Variants in CDC42BPA observed in about 807,000 individuals in gnomAD.
CDC42BPA encodes the protein serine/threonine-protein kinase MRCK alpha.
CDC42BPA carries 80 observed loss-of-function variants against 223.5 expected under a neutral mutation model. The ratio of observed to expected loss-of-function variants is 0.36; its 90% CI spans 0.30 to 0.43. CDC42BPA has a LOEUF of 0.43. Ranked by LOEUF, CDC42BPA falls within the 20% of genes least tolerant of loss-of-function variation. CDC42BPA has a pLI of 1.00. For missense variants in CDC42BPA, 1,743 were observed against 2,099.9 expected, an observed-to-expected ratio of 0.83 and a Z score of 3.32; for synonymous variants, 694 against 718.6, an observed-to-expected ratio of 0.97 and a Z score of 0.55.
chr1:227,265,200 TA>T, intron 1 of CDC42BPA: 1 of 620,342 alleles, frequency 1.6e-6, no homozygotes, highest in Non-Finnish European at 3.0e-6. Flanking sequence ...CAAAGCGTGC[TA>T]AAAGTGCACA....
At chr1:227,273,709 G>A (rs1360322734) in intron 1 of CDC42BPA, among the ~76,000 whole-genome samples, 1 of 151,962 alleles carries the variant, frequency 6.6e-6, no homozygotes, top group Non-Finnish European at 1.5e-5. Flanking sequence ...ACTGAGACAG[G>A]TAGCACATGT....
At chr1:227,213,770 T>C (rs141530706) in intron 2 of CDC42BPA, among the ~76,000 whole-genome samples, 157 of 151,994 alleles carry the variant, frequency 1.0e-3, no homozygotes, top group African/African-American at 3.7e-3. Context: ...TACACACATA[T>C]ACATACGCAT....
intron 32 of CDC42BPA, among the ~76,000 whole-genome samples, chr1:227,021,349 G>A (rs1667342076): frequency 6.6e-6 from 1 of 152,124 alleles, no homozygotes; most frequent in South Asian, 2.1e-4. Context: ...ATAAAACTAA[G>A]TATGGGTCTT....
Position 227,006,762 on chromosome 1 carries a change from C to T in CDC42BPA, c.4858-1651G>A, listed in dbSNP as rs569980606. 1.6e-3 allele frequency among the ~76,000 whole-genome samples: 241 copies of T among 152,202 alleles called. 1 individual carries two copies. The highest frequency in any genetic ancestry group is 5.4e-3 in the African/African-American group (225 of 41,518). ...CCAGCCTGGCTAATATGGTGAAACC[C>T]CGTCTCTACTATAAATACAAAAAAA... On this transcript the variant is annotated intron_variant, in intron 34 of 36. Coordinates refer to ENST00000366766, the MANE Select transcript of CDC42BPA (RefSeq NM_001394014.1).
intron 20 of CDC42BPA, 43 bp downstream of exon 20, chr1:227,072,165 C>G (rs1270949806): frequency 9.6e-7 from 1 of 1,040,706 alleles, no homozygotes; most frequent in South Asian, 1.5e-5. Context: ...ATATTTATAA[C>G]ATAACAGTAA....
chr1:227,057,710 T>A (rs928643152), intron 21 of CDC42BPA, among the ~76,000 whole-genome samples: 2 of 152,206 alleles, frequency 1.3e-5, no homozygotes, highest in African/African-American at 4.8e-5. Context: ...AAAATAATCA[T>A]ATGTAATAAT....
At chr1:227,200,438 A>AACAAC (rs1553391989) in intron 3 of CDC42BPA, among the ~76,000 whole-genome samples, 1 of 96,026 alleles carries the variant, frequency 1.0e-5, no homozygotes, top group South Asian at 3.2e-4. Flanking sequence ...CTTAAAAAAC[A>AACAAC]AACAAACAAA....
At chr1:227,194,969 G>C (rs1483129443) in intron 4 of CDC42BPA, among the ~76,000 whole-genome samples, 1 of 79,708 alleles carries the variant, frequency 1.3e-5, no homozygotes, top group Non-Finnish European at 3.0e-5. Flanking sequence ...ACAGAATGAA[G>C]ATATTGTTTC....
chr1:227,237,045 C>CAA (rs11447987), intron 2 of CDC42BPA, among the ~76,000 whole-genome samples: 2,436 of 84,300 alleles, frequency 0.029, 138 homozygotes, highest in African/African-American at 0.055. Context: ...CCGGTCTCCA[C>CAA]AAAAAAAAAA....
At chr1:227,033,793 A>G (rs1348805598) in intron 26 of CDC42BPA, among the ~76,000 whole-genome samples, 1 of 152,138 alleles carries the variant, frequency 6.6e-6, no homozygotes, top group African/African-American at 2.4e-5. Context: ...TTGTTCCTTC[A>G]ACATCTACAA....
chr1:227,198,741 T>C (rs1284183151), intron 4 of CDC42BPA, among the ~76,000 whole-genome samples: 1 of 131,260 alleles, frequency 7.6e-6, no homozygotes, highest in African/African-American at 2.9e-5. Context: ...GTACAGTCCA[T>C]GTAACATATT....
intron 10 of CDC42BPA, among the ~76,000 whole-genome samples, chr1:227,132,904 C>G (rs554297895): frequency 1.3e-5 from 2 of 151,686 alleles, no homozygotes; most frequent in East Asian, 2.0e-4. Flanking sequence ...GCAACCGCCC[C>G]GACTGAGAGG....
chr1:227,155,760 C>T (rs1383498502), intron 6 of CDC42BPA, among the ~76,000 whole-genome samples: 1 of 152,130 alleles, frequency 6.6e-6, no homozygotes, highest in African/African-American at 2.4e-5. Context: ...TTTAAAAAAA[C>T]TATGACACGA....
intron 5 of CDC42BPA, among the ~76,000 whole-genome samples, chr1:227,193,297 T>C (rs1160424065): frequency 6.6e-6 from 1 of 152,034 alleles, no homozygotes; most frequent in African/African-American, 2.4e-5. Context: ...CCTGACCTCG[T>C]AATCTGCCCG....
At chr1:227,011,723 T>C (rs1296199373) in intron 34 of CDC42BPA, among the ~76,000 whole-genome samples, 2 of 152,178 alleles carry the variant, frequency 1.3e-5, no homozygotes, top group African/African-American at 2.4e-5. Context: ...TAATGTAATA[T>C]CAAAGATATA....
intron 1 of CDC42BPA, among the ~76,000 whole-genome samples, chr1:227,270,128 G>GT: frequency 6.6e-6 from 1 of 152,176 alleles, no homozygotes. Flanking sequence ...ATAAAATGAA[G>GT]TAGACCCACA....
At position 227,317,284 on chromosome 1, in the gene CDC42BPA, T is replaced by C. The variant is rs569651761; in HGVS notation, c.-102A>G. 97 of 1,258,548 alleles carry C rather than the reference T, an allele frequency of 7.7e-5. No homozygotes were observed. The African/African-American group carries it at 1.3e-3, about 17-fold the overall frequency. The allele number at this position is 1,258,548 out of a possible 1,614,324, so 78.0% of individuals were successfully genotyped here. A position where few individuals can be genotyped will look rare whatever the true frequency, so the allele number is the denominator to read the frequency against. On this transcript the variant is annotated 5_prime_UTR_variant, in exon 1 of 37. Coordinates refer to ENST00000366766, the MANE Select transcript of CDC42BPA (RefSeq NM_001394014.1). ...AGGTATGGTTTTAAAAATAAACCAC[T>C]TGTTATTCAAACAACTGTCATGCAA... is the stretch of plus-strand genomic sequence containing the variant.
chr1:227,089,954 G>A (rs1682774686), intron 16 of CDC42BPA, among the ~76,000 whole-genome samples: 1 of 152,074 alleles, frequency 6.6e-6, no homozygotes, highest in Non-Finnish European at 1.5e-5. Context: ...TTAAAATTCT[G>A]TCTTATAGGA....
chr1:227,020,812 C>T (rs1667220389), intron 32 of CDC42BPA, among the ~76,000 whole-genome samples: 1 of 152,196 alleles, frequency 6.6e-6, no homozygotes. Context: ...TAGCTTGCAG[C>T]CTATCTCGAC....
Sources: allele counts gnomAD v4.1 joint callset (sites outside exome capture counted in the v4.1 genomes callset), GRCh38; gene constraint gnomAD v4.1.1; transcripts MANE v1.5; gene names NCBI Gene and HGNC (gene_info 2026-07-23, HGNC 2026-07-21).